TAFA2: variants seen among roughly 807,000 people sequenced by gnomAD.
TAFA2 encodes TAFA chemokine like family member 2.
TAFA2 carries 7 observed loss-of-function variants against 18.8 expected under a neutral mutation model. The observed-to-expected ratio is 0.37, with a 90% CI of 0.21 to 0.70. TAFA2 has a LOEUF of 0.70. TAFA2 is among the 30% of genes least tolerant of loss of function. The probability of loss-of-function intolerance (pLI) is 0.53; values close to 1 mark genes in which losing one functional copy is unlikely to be tolerated. For missense variants in TAFA2, 122 were observed against 158.1 expected (o/e 0.77, Z 1.23); for synonymous variants, 60 against 54.2 (o/e 1.11, Z -0.47).
intron 1 of TAFA2, among the ~76,000 whole-genome samples, chr12:62,147,943 A>C (rs1373969924): frequency 1.3e-5 from 2 of 152,148 alleles, no homozygotes; most frequent in African/African-American, 4.8e-5. Context: ...ACAAGTGATC[A>C]ACGAACATAT....
intron 1 of TAFA2, among the ~76,000 whole-genome samples, chr12:61,908,999 T>G (rs1425035910): frequency 6.6e-6 from 1 of 152,124 alleles, no homozygotes; most frequent in East Asian, 1.9e-4. Flanking sequence ...AGGAAGCAAG[T>G]TTTGCGTGAA....
chr12:61,719,606 G>T lies in TAFA2; in HGVS notation c.385-9189C>A, dbSNP rs116438789. Among the ~76,000 whole-genome samples the T allele has an allele frequency of 3.3e-3, 499 of 152,196 alleles. 4 individuals are homozygous for T. The highest frequency in any genetic ancestry group is 0.011 in the African/African-American group (464 of 41,536). ...ACCCTAGCCCCCAGATTATCAGAGA[G>T]CTTGATTTGAGTAACAGCTTCATCT... On this transcript the variant is annotated intron_variant, in intron 4 of 4. Coordinates refer to ENST00000416284, the MANE Select transcript of TAFA2 (RefSeq NM_178539.5).
intron 1 of TAFA2, among the ~76,000 whole-genome samples, chr12:62,005,109 G>A (rs1880503661): frequency 6.6e-6 from 1 of 152,020 alleles, no homozygotes; most frequent in Admixed American, 6.6e-5. Flanking sequence ...GAAAGCTAAT[G>A]TGTAAGATAA....
At chr12:62,162,187 T>C (rs1207109830) in intron 1 of TAFA2, among the ~76,000 whole-genome samples, 1 of 152,198 alleles carries the variant, frequency 6.6e-6, no homozygotes, top group Non-Finnish European at 1.5e-5. Context: ...GCCCTATCTC[T>C]CAGTTTCTGT....
intron 2 of TAFA2, among the ~76,000 whole-genome samples, chr12:61,780,647 G>A (rs547103785): frequency 6.6e-6 from 1 of 151,604 alleles, no homozygotes; most frequent in Non-Finnish European, 1.5e-5. Context: ...GAGGGTAGGA[G>A]CCTAACTTTG....
At chr12:61,773,740 C>G (rs1241516465) in intron 2 of TAFA2, among the ~76,000 whole-genome samples, 3 of 151,882 alleles carry the variant, frequency 2.0e-5, no homozygotes, top group Non-Finnish European at 4.4e-5. Context: ...AGATTTGAAA[C>G]CATAAAAATT....
intron 1 of TAFA2, among the ~76,000 whole-genome samples, chr12:61,904,140 A>G (rs1471406934): frequency 6.6e-6 from 1 of 152,182 alleles, no homozygotes; most frequent in Non-Finnish European, 1.5e-5. Flanking sequence ...AACATAAAAT[A>G]TGTTTATCAG....
chr12:61,724,681 C>G (rs1870057648), intron 4 of TAFA2, among the ~76,000 whole-genome samples: 1 of 151,712 alleles, frequency 6.6e-6, no homozygotes, highest in Non-Finnish European at 1.5e-5. Context: ...ATAATGGCCT[C>G]CATCCAGGTT....
chr12:62,155,687 G>T (rs2062364249), intron 1 of TAFA2, among the ~76,000 whole-genome samples: 1 of 152,090 alleles, frequency 6.6e-6, no homozygotes, highest in Admixed American at 6.6e-5. Context: ...AAAACCTAAA[G>T]TGGGGAAAGG....
chr12:61,733,342 T>C (rs1868253741), intron 4 of TAFA2, among the ~76,000 whole-genome samples: 1 of 152,148 alleles, frequency 6.6e-6, no homozygotes, highest in African/African-American at 2.4e-5. Flanking sequence ...CATGAAGTCC[T>C]TGCCCATGCC....
At chr12:62,251,304 T>C (rs989863546) in intron 1 of TAFA2, among the ~76,000 whole-genome samples, 5 of 152,118 alleles carry the variant, frequency 3.3e-5, no homozygotes, top group East Asian at 1.9e-4. Flanking sequence ...AAGAAGAATA[T>C]TGAAGAGCAG....
intron 1 of TAFA2, among the ~76,000 whole-genome samples, chr12:62,133,017 G>A (rs1247924440): frequency 6.6e-6 from 1 of 151,838 alleles, no homozygotes; most frequent in Non-Finnish European, 1.5e-5. Flanking sequence ...TGCAGAATGT[G>A]GAATAATTAT....
intron 2 of TAFA2, among the ~76,000 whole-genome samples, chr12:61,772,578 A>G (rs115354006): frequency 0.057 from 8,618 of 152,066 alleles, 816 homozygotes; most frequent in African/African-American, 0.2. Context: ...CAATAAATGC[A>G]TTACAGCGCA....
chr12:61,929,845 G>A (rs1482282752), intron 1 of TAFA2, among the ~76,000 whole-genome samples: 3 of 152,114 alleles, frequency 2.0e-5, no homozygotes, highest in Non-Finnish European at 2.9e-5. Context: ...ATGAGTTCAT[G>A]TCCTTTGTAG....
intron 1 of TAFA2, among the ~76,000 whole-genome samples, chr12:62,090,140 A>C (rs1868648099): frequency 1.3e-5 from 2 of 152,038 alleles, no homozygotes; most frequent in Non-Finnish European, 2.9e-5. Flanking sequence ...TCACGTTCAG[A>C]TCTTGGCTTT....
At chr12:62,030,858 A>G (rs1376591333) in intron 1 of TAFA2, among the ~76,000 whole-genome samples, 1 of 152,144 alleles carries the variant, frequency 6.6e-6, no homozygotes, top group Non-Finnish European at 1.5e-5. Flanking sequence ...GGTAAAGGTA[A>G]GGCTTTGGGT....
intron 1 of TAFA2, among the ~76,000 whole-genome samples, chr12:62,243,212 G>C (rs1382828451): frequency 6.6e-6 from 1 of 152,134 alleles, no homozygotes; most frequent in African/African-American, 2.4e-5. Context: ...TTTATATTGA[G>C]ACAATGTTTG....
intron 1 of TAFA2, among the ~76,000 whole-genome samples, chr12:62,059,139 A>ATATGTGTGTG (rs1882275367): frequency 7.3e-6 from 1 of 136,248 alleles, no homozygotes; most frequent in Non-Finnish European, 1.5e-5. Flanking sequence ...ATGTGTGTAT[A>ATATGTGTGTG]TGTGTGTGTG....
intron 1 of TAFA2, among the ~76,000 whole-genome samples, chr12:61,984,415 T>C (rs1038102540): frequency 2.0e-5 from 3 of 152,250 alleles, no homozygotes; most frequent in African/African-American, 7.2e-5. Flanking sequence ...CTGAACACTG[T>C]ACAAAAGATG....
Sources: allele counts gnomAD v4.1 joint callset (sites outside exome capture counted in the v4.1 genomes callset), GRCh38; gene constraint gnomAD v4.1.1; transcripts MANE v1.5; gene names NCBI Gene and HGNC (gene_info 2026-07-23, HGNC 2026-07-21).